The following MEOX2 variants were observed in gnomAD, a reference collection of about 807,000 sequenced individuals.
MEOX2 encodes the protein homeobox protein MOX-2.
A neutral mutation model predicts 27.0 loss-of-function variants in MEOX2; 11 were observed. That is an observed-to-expected ratio of 0.41 (90% CI 0.26 to 0.68). The LOEUF (loss-of-function observed/expected upper bound fraction) is 0.68, where lower values mean the gene tolerates loss of function less well. MEOX2 is among the 30% of genes least tolerant of loss of function. The probability of loss-of-function intolerance (pLI) is 0.33; values close to 1 mark genes in which losing one functional copy is unlikely to be tolerated. For synonymous variants in MEOX2, 189 were observed against 155.4 expected, an observed-to-expected ratio of 1.22 and a Z score of -1.61; for missense variants, 436 against 385.4, an observed-to-expected ratio of 1.13 and a Z score of -1.10.
intron 1 of MEOX2, among the ~76,000 whole-genome samples, chr7:15,637,239 G>A (rs1781492897): frequency 6.6e-6 from 1 of 151,968 alleles, no homozygotes; most frequent in Non-Finnish European, 1.5e-5. Context: ...AAGTTTCTGT[G>A]AATGTGAAGC....
chr7:15,684,570 G>C (rs1782347960), intron 1 of MEOX2, among the ~76,000 whole-genome samples: 1 of 152,168 alleles, frequency 6.6e-6, no homozygotes, highest in Non-Finnish European at 1.5e-5. Flanking sequence ...AAGAACAATT[G>C]ATATTGCTGT....
intron 1 of MEOX2, among the ~76,000 whole-genome samples, chr7:15,670,257 T>C (rs981230202): frequency 6.6e-6 from 1 of 152,250 alleles, no homozygotes; most frequent in East Asian, 1.9e-4. Flanking sequence ...TTCAAAACAA[T>C]GAATGCATTT....
At chr7:15,678,939 T>C (rs1782249595) in intron 1 of MEOX2, 1 of 152,110 alleles carries the variant, frequency 6.6e-6, no homozygotes, top group Admixed American at 6.6e-5. Flanking sequence ...TTGAAGTGTG[T>C]GAAGAATAAT....
At chr7:15,658,765 G>A (rs1232260650) in intron 1 of MEOX2, among the ~76,000 whole-genome samples, 1 of 152,124 alleles carries the variant, frequency 6.6e-6, no homozygotes, top group African/African-American at 2.4e-5. Flanking sequence ...GACATAGTGA[G>A]AAGAAACCAT....
intron 1 of MEOX2, 48 bp downstream of exon 1, chr7:15,685,838 C>A: frequency 1.9e-6 from 3 of 1,540,308 alleles, no homozygotes; most frequent in South Asian, 1.3e-5. Flanking sequence ...CTCTCCGCCC[C>A]TTTTCCAGCC....
intron 2 of MEOX2, among the ~76,000 whole-genome samples, chr7:15,617,094 A>G (rs1781136239): frequency 6.6e-6 from 1 of 152,028 alleles, no homozygotes; most frequent in South Asian, 2.1e-4. Flanking sequence ...AGTTGAATCT[A>G]TATAATGCAA....
At chr7:15,659,933 A>G (rs1300003035) in intron 1 of MEOX2, among the ~76,000 whole-genome samples, 1 of 152,210 alleles carries the variant, frequency 6.6e-6, no homozygotes, top group Non-Finnish European at 1.5e-5. Context: ...ACACAGAACT[A>G]CAGACTTTGT....
intron 1 of MEOX2, among the ~76,000 whole-genome samples, chr7:15,633,226 T>C (rs1320917905): frequency 6.6e-6 from 1 of 151,880 alleles, no homozygotes; most frequent in African/African-American, 2.4e-5. Context: ...TTAATTTTAA[T>C]ACACGCAGAA....
chr7:15,627,082 T>C (rs1781321782), intron 1 of MEOX2, among the ~76,000 whole-genome samples, 164 bp from the exon 2 acceptor site: 1 of 151,886 alleles, frequency 6.6e-6, no homozygotes, highest in South Asian at 2.1e-4. Flanking sequence ...CGGGGGGAGA[T>C]ATAATTCTTA....
chr7:15,626,066 C>CA (rs758826728), intron 2 of MEOX2, among the ~76,000 whole-genome samples: 21 of 152,194 alleles, frequency 1.4e-4, no homozygotes, highest in Middle Eastern at 3.4e-3. Flanking sequence ...CCATCTTGCA[C>CA]CTAAGCCGCA....
chr7:15,685,756 G>A (rs1782368752), intron 1 of MEOX2, 130 bp downstream of exon 1: 3 of 1,325,218 alleles, frequency 2.3e-6, no homozygotes, highest in Non-Finnish European at 3.1e-6. Flanking sequence ...TTTGGCCGCA[G>A]GAAGCCACAG....
intron 2 of MEOX2, among the ~76,000 whole-genome samples, chr7:15,625,211 C>T (rs1781283269): frequency 1.3e-5 from 2 of 152,104 alleles, no homozygotes; most frequent in African/African-American, 4.8e-5. Context: ...GTGTGTAATT[C>T]TCCCTCCACA....
Position 15,633,607 on chromosome 7 carries a change from T to C in MEOX2, c.518-6689A>G, listed in dbSNP as rs115895007. Among the ~76,000 whole-genome samples the C allele has an allele frequency of 3.0e-3, 455 of 152,048 alleles. 1 individual carries two copies. The highest frequency in any genetic ancestry group is 0.011 in the African/African-American group (443 of 41,526). On this transcript the variant is annotated intron_variant, in intron 1 of 2. Coordinates refer to ENST00000262041, the MANE Select transcript of MEOX2 (RefSeq NM_005924.5). ...CTTCCATGGAGTTTTTTATTTATAT[T>C]ATGAAAGACAAGTCCACACCTTCTC...
chr7:15,642,389 C>G (rs952861250), intron 1 of MEOX2, among the ~76,000 whole-genome samples: 14 of 151,962 alleles, frequency 9.2e-5, no homozygotes, highest in African/African-American at 3.4e-4. Context: ...TCATTTTTTT[C>G]TGTTTGTTCT....
At position 15,686,347 on chromosome 7, in the gene MEOX2, A is replaced by C. The variant is rs777670878; in HGVS notation, c.56T>G (p.Leu19Trp). 1 of 1,597,826 alleles carries C rather than the reference A, an allele frequency of 6.3e-7. No individual in the cohort carries two copies. The highest frequency in any genetic ancestry group is 1.3e-5 in the African/African-American group (1 of 74,722). Residue 19 changes from leucine to tryptophan, a missense_variant, in exon 1 of 3, where the codon TTG becomes TGG. By Grantham distance (61) the Leu-to-Trp change is moderately conservative. Transcript: ENST00000262041. The part of the protein sequence containing the change: ...LRSPHATAQG[L>W]HPFSQSSLAL... ...GAGAGAGGATTGGGAGAACGGGTGC[A>C]AGCCTTGCGCCGTGGCGTGAGGGCT...
At chr7:15,683,481 G>A (rs1303795040) in intron 1 of MEOX2, among the ~76,000 whole-genome samples, 1 of 151,964 alleles carries the variant, frequency 6.6e-6, no homozygotes, top group Non-Finnish European at 1.5e-5. Context: ...TAAGCAATGA[G>A]AGATATACGT....
In MEOX2 at chr7:15,618,888, T is replaced by G. The variant is rs567677801; in HGVS notation, c.691-6277A>C. 2.5e-3 allele frequency among the ~76,000 whole-genome samples: 380 copies of G among 151,994 alleles called. 1 individual carries two copies. The highest frequency in any genetic ancestry group is 0.017 in the Middle Eastern group (5 of 294). ...TAGAAAAGTCAATAATTTTAATAAC[T>G]TCAAAACCGTCAAAAATTTAAAAAT... On this transcript the variant is annotated intron_variant, in intron 2 of 2. Coordinates refer to ENST00000262041, the MANE Select transcript of MEOX2 (RefSeq NM_005924.5).
intron 1 of MEOX2, among the ~76,000 whole-genome samples, chr7:15,678,333 T>G (rs1478631049): frequency 6.6e-6 from 1 of 152,208 alleles, no homozygotes; most frequent in Non-Finnish European, 1.5e-5. Context: ...TAAAGCATTA[T>G]TTATATGGTT....
intron 1 of MEOX2, among the ~76,000 whole-genome samples, chr7:15,647,093 A>G (rs1781663872): frequency 6.6e-6 from 1 of 152,038 alleles, no homozygotes; most frequent in Admixed American, 6.6e-5. Flanking sequence ...TATTAGAAAT[A>G]TTCCTTAATT....
Sources: allele counts gnomAD v4.1 joint callset (sites outside exome capture counted in the v4.1 genomes callset), GRCh38; gene constraint gnomAD v4.1.1; transcripts MANE v1.5; gene names NCBI Gene and HGNC (gene_info 2026-07-23, HGNC 2026-07-21).